AASDH: variants seen among roughly 807,000 people sequenced by gnomAD.
The protein encoded by AASDH is beta-alanine-activating enzyme.
In AASDH, 81 loss-of-function variants were observed where a neutral mutation model predicts 102.3. That is an observed-to-expected ratio of 0.79 (90% CI 0.66 to 0.95). AASDH has a LOEUF of 0.95. Ranked by LOEUF, AASDH falls within the 40% of genes least tolerant of loss-of-function variation. The pLI, the probability that AASDH is intolerant of heterozygous loss-of-function variation, is 0.00. For synonymous variants in AASDH, 398 were observed against 454.0 expected, an observed-to-expected ratio of 0.88 and a Z score of 1.57; for missense variants, 1,203 against 1,266.2, an observed-to-expected ratio of 0.95 and a Z score of 0.76.
At chr4:56,383,544 C>A (rs1204736721) in intron 2 of AASDH, among the ~76,000 whole-genome samples, 2 of 152,158 alleles carry the variant, frequency 1.3e-5, no homozygotes, top group Non-Finnish European at 2.9e-5. Context: ...GAATAGAAAT[C>A]ACTATATGAG....
At chr4:56,371,732 A>G in intron 4 of AASDH, 89 bp from the exon 5 acceptor site, 1 of 1,221,014 alleles carries the variant, frequency 8.2e-7, no homozygotes, top group Non-Finnish European at 1.1e-6. Context: ...TATGATGATC[A>G]AGTTTCTGAA....
intron 5 of AASDH, among the ~76,000 whole-genome samples, chr4:56,369,104 T>C (rs1466485416): frequency 1.3e-5 from 2 of 152,296 alleles, no homozygotes; most frequent in East Asian, 1.9e-4. Flanking sequence ...CATGAAACTA[T>C]ATGCAATATT....
intron 10 of AASDH, 120 bp from the exon 11 acceptor site, chr4:56,350,178 G>GCTCTGTTTATATGCT: frequency 1.0e-6 from 1 of 959,218 alleles, no homozygotes; most frequent in Non-Finnish European, 1.5e-6. Context: ...ATATAGGTCG[G>GCTCTGTTTATATGCT]GTACAGTGGC....
intron 5 of AASDH, among the ~76,000 whole-genome samples, chr4:56,361,645 T>C (rs1750311073): frequency 6.6e-6 from 1 of 152,180 alleles, no homozygotes; most frequent in Non-Finnish European, 1.5e-5. Flanking sequence ...GACACATTCC[T>C]AGGTATCAAC....
At chr4:56,384,948 C>G (rs985095333) in intron 1 of AASDH, among the ~76,000 whole-genome samples, 13 of 152,152 alleles carry the variant, frequency 8.5e-5, no homozygotes, top group African/African-American at 3.1e-4. Flanking sequence ...GTGGCATACA[C>G]CTGTAATCCC....
chr4:56,379,738 AT>A (rs1186945659), intron 3 of AASDH, among the ~76,000 whole-genome samples: 1 of 152,188 alleles, frequency 6.6e-6, no homozygotes, highest in African/African-American at 2.4e-5. Flanking sequence ...CATGGGTAAT[AT>A]TTGTTATAAG....
chr4:56,359,324 C>CGCCTCCT (rs140231912), intron 5 of AASDH, among the ~76,000 whole-genome samples: 25,858 of 151,636 alleles, frequency 0.17, 2,551 homozygotes, highest in Admixed American at 0.3. Context: ...CCACAACATC[C>CGCCTCCT]GCCTCCTGCC....
At chr4:56,369,213 T>C (rs945244317) in intron 5 of AASDH, among the ~76,000 whole-genome samples, 1 of 152,188 alleles carries the variant, frequency 6.6e-6, no homozygotes, top group African/African-American at 2.4e-5. Context: ...TTATCTGAGA[T>C]TGTGCTAAAA....
intron 5 of AASDH, among the ~76,000 whole-genome samples, chr4:56,362,748 C>G (rs565553745): frequency 8.4e-4 from 127 of 152,082 alleles, no homozygotes; most frequent in African/African-American, 3.0e-3. Context: ...AAAGATGAAC[C>G]CTGGGGGTGG....
chr4:56,348,797 G>A (rs1028095509), intron 11 of AASDH: 9 of 164,842 alleles, frequency 5.5e-5, no homozygotes, highest in East Asian at 1.8e-4. Context: ...TGATGTAAAT[G>A]AGCTACCTTG....
At chr4:56,341,766 C>T (rs1045867586) in intron 14 of AASDH, among the ~76,000 whole-genome samples, 2 of 151,918 alleles carry the variant, frequency 1.3e-5, no homozygotes, top group Non-Finnish European at 2.9e-5. Flanking sequence ...CATGTTCTCA[C>T]TCATATGTGA....
At chr4:56,379,234 A>G (rs1022698116) in intron 3 of AASDH, among the ~76,000 whole-genome samples, 7 of 152,234 alleles carry the variant, frequency 4.6e-5, no homozygotes, top group Admixed American at 4.6e-4. Flanking sequence ...GCTGGGCTCA[A>G]GCGATCTTCC....
At chr4:56,365,859 T>C (rs1338681755) in intron 5 of AASDH, among the ~76,000 whole-genome samples, 1 of 151,868 alleles carries the variant, frequency 6.6e-6, no homozygotes, top group East Asian at 1.9e-4. Flanking sequence ...AGGCAAGAAA[T>C]AACTAAGATC....
chr4:56,378,785 GTTTT>G lies in AASDH; in HGVS notation c.352-325_352-322del, dbSNP rs56848762. ...GTATTAGTTTTTACTGTTGCACTGG[GTTTT>G]TTTTTTTTTCTGAATATTTTCTTTT... On this transcript the variant is annotated intron_variant, in intron 3 of 14. Transcript: ENST00000205214. 3.7e-5 allele frequency among the ~76,000 whole-genome samples: 5 copies of G among 134,010 alleles called. No individual in the cohort carries two copies. In the East Asian group the frequency reaches 6.3e-4, roughly 17 times the overall value. The allele number at this position is 134,010 out of a possible 152,430, so 87.9% of individuals were successfully genotyped here. A position where few individuals can be genotyped will look rare whatever the true frequency, so the allele number is the denominator to read the frequency against.
At chr4:56,339,570 G>A (rs1284362830) in intron 14 of AASDH, among the ~76,000 whole-genome samples, 4 of 151,796 alleles carry the variant, frequency 2.6e-5, no homozygotes, top group South Asian at 2.1e-4. Flanking sequence ...GGCCAACATG[G>A]TGAAACCCCA....
intron 5 of AASDH, among the ~76,000 whole-genome samples, chr4:56,360,874 A>G (rs1163905880): frequency 1.3e-5 from 2 of 152,156 alleles, no homozygotes; most frequent in Admixed American, 1.3e-4. Flanking sequence ...CCCAGTTAAG[A>G]TTCTGGTTTT....
In AASDH at chr4:56,382,518, A is replaced by AT. The variant is rs752696143; in HGVS notation, c.309dup (p.Cys104MetfsTer2). ...TCAACAAGGATATACTTTAGATTAC[A>AT]TTTTTTCATAAAATGAGTTGATAAT... On this transcript the variant is annotated frameshift_variant, in exon 3 of 15. Coordinates refer to ENST00000205214, the MANE Select transcript of AASDH (RefSeq NM_181806.4). LOFTEE classifies it high-confidence loss of function. 1.9e-6 allele frequency: 3 copies of AT among 1,600,740 alleles called. No individual in the cohort carries two copies. Among genetic ancestry groups the AT allele is most frequent in the South Asian group, 1.1e-5 (1 of 90,262 alleles).
chr4:56,340,454 G>A (rs550730030), intron 14 of AASDH, among the ~76,000 whole-genome samples: 84 of 152,272 alleles, frequency 5.5e-4, no homozygotes, highest in Non-Finnish European at 9.0e-4. Flanking sequence ...ATGGTGCTGG[G>A]AAAATTGGAG....
chr4:56,358,894 G>C (rs900437421), intron 5 of AASDH, among the ~76,000 whole-genome samples: 4 of 152,110 alleles, frequency 2.6e-5, no homozygotes, highest in African/African-American at 9.7e-5. Context: ...ATCAATTATT[G>C]AAAGTGGGGT....
Sources: gnomAD v4.1 joint callset for allele counts (sites outside exome capture counted in the v4.1 genomes callset) on GRCh38, gnomAD v4.1.1 for gene constraint, MANE v1.5 for transcripts, NCBI Gene and HGNC (gene_info 2026-07-23, HGNC 2026-07-21) for gene names.